TNN: variants seen among roughly 807,000 people sequenced by gnomAD.
The protein encoded by TNN is tenascin N.
Under a neutral mutation model 134.4 loss-of-function variants are expected in TNN, and 122 were observed. The ratio of observed to expected loss-of-function variants is 0.91; its 90% CI spans 0.78 to 1.06. The LOEUF (loss-of-function observed/expected upper bound fraction) is 1.06, where lower values mean the gene tolerates loss of function less well. Among genes scored for constraint, TNN ranks in the 50% least tolerant of loss-of-function variants. The probability of loss-of-function intolerance (pLI) is 0.00; values close to 1 mark genes in which losing one functional copy is unlikely to be tolerated. For missense variants in TNN, 1,739 were observed against 1,699.4 expected, an observed-to-expected ratio of 1.02 and a Z score of -0.41; for synonymous variants, 710 against 670.3, an observed-to-expected ratio of 1.06 and a Z score of -0.91.
At chr1:175,143,277 T>C (rs1416553592) in intron 17 of TNN, among the ~76,000 whole-genome samples, 1 of 152,226 alleles carries the variant, frequency 6.6e-6, no homozygotes, top group Non-Finnish European at 1.5e-5. Flanking sequence ...AGAGCTGAGA[T>C]ATAAATGTAA....
At chr1:175,076,552 G>A (rs1016474396) in intron 1 of TNN, among the ~76,000 whole-genome samples, 2 of 152,218 alleles carry the variant, frequency 1.3e-5, no homozygotes, top group African/African-American at 4.8e-5. Flanking sequence ...GCTGGGTAAG[G>A]CAGGGGGACA....
At chr1:175,100,793 G>C (rs952752060) in intron 9 of TNN, among the ~76,000 whole-genome samples, 2 of 152,084 alleles carry the variant, frequency 1.3e-5, no homozygotes, top group Admixed American at 1.3e-4. Context: ...TCAACAAACT[G>C]GTGTTAATAA....
At chr1:175,137,781 A>G (rs919586407) in intron 17 of TNN, among the ~76,000 whole-genome samples, 3 of 152,222 alleles carry the variant, frequency 2.0e-5, no homozygotes, top group Non-Finnish European at 4.4e-5. Context: ...TGCGTTTTTG[A>G]CTTTGGTGTA....
chr1:175,127,975 G>A, intron 13 of TNN, 57 bp from the exon 14 acceptor site: 1 of 1,604,986 alleles, frequency 6.2e-7, no homozygotes, highest in Non-Finnish European at 8.5e-7. Context: ...GACACCTAGG[G>A]TGCTAGTGGG....
intron 17 of TNN, among the ~76,000 whole-genome samples, chr1:175,141,712 G>C (rs901222885): frequency 6.6e-6 from 1 of 152,162 alleles, no homozygotes; most frequent in Non-Finnish European, 1.5e-5. Context: ...GAATCCTAGA[G>C]GGGGAGAGTG....
chr1:175,139,730 G>GTAA (rs1675901735), intron 17 of TNN, among the ~76,000 whole-genome samples: 1 of 152,194 alleles, frequency 6.6e-6, no homozygotes, highest in Non-Finnish European at 1.5e-5. Flanking sequence ...TTTACTGTAT[G>GTAA]TAATTGTATG....
intron 6 of TNN, among the ~76,000 whole-genome samples, chr1:175,086,250 A>T (rs942607093): frequency 6.6e-6 from 1 of 152,174 alleles, no homozygotes; most frequent in Non-Finnish European, 1.5e-5. Flanking sequence ...AAACCCTCAC[A>T]TGGGAGTAGT....
At chr1:175,076,974 A>G (rs148332187) in intron 1 of TNN, among the ~76,000 whole-genome samples, 9 of 152,368 alleles carry the variant, frequency 5.9e-5, no homozygotes, top group Non-Finnish European at 1.3e-4. Flanking sequence ...TGCCTGTCAC[A>G]TAGCAAGTGC....
intron 11 of TNN, among the ~76,000 whole-genome samples, chr1:175,121,365 G>C (rs1398007844): frequency 6.6e-6 from 1 of 152,224 alleles, no homozygotes; most frequent in Non-Finnish European, 1.5e-5. Context: ...AATGAAAAGA[G>C]GCCAGTTTTG....
At chr1:175,090,066 G>A (rs1239410889) in intron 6 of TNN, among the ~76,000 whole-genome samples, 1 of 152,164 alleles carries the variant, frequency 6.6e-6, no homozygotes, top group African/African-American at 2.4e-5. Context: ...TATATTGTGA[G>A]ACTTTGTAAA....
intron 3 of TNN, 62 bp from the exon 4 acceptor site, chr1:175,080,101 T>C (rs1186879184): frequency 6.3e-7 from 1 of 1,590,370 alleles, no homozygotes; most frequent in East Asian, 2.2e-5. Context: ...CAGGGAATAC[T>C]CACTGGGTCT....
At chr1:175,083,655 G>C (rs1371712729) in intron 4 of TNN, 95 bp from the exon 5 acceptor site, 2 of 1,209,260 alleles carry the variant, frequency 1.7e-6, no homozygotes, top group Non-Finnish European at 2.3e-6. Flanking sequence ...GAGATGTCAA[G>C]AAAGGGAGCT....
chr1:175,073,687 G>A (rs868211373), intron 1 of TNN, among the ~76,000 whole-genome samples: 29 of 152,162 alleles, frequency 1.9e-4, no homozygotes, highest in Admixed American at 1.1e-3. Context: ...CTGCTGCCTG[G>A]GGCGAGGTGA....
chr1:175,098,587 C>A lies in TNN; in HGVS notation c.2111C>A (p.Ala704Asp), dbSNP rs147445406. The A allele has an allele frequency of 2.8e-5, 45 of 1,613,904 alleles. No homozygotes were observed. The highest frequency in any genetic ancestry group is 3.1e-5 in the Non-Finnish European group (37 of 1,179,962). ...DQESKKADTK[A>D]QTDIDSPQNL... is the part of the protein sequence containing the mutation. ...GAGAGCAAGAAGGCCGACACCAAGGCCCAGACAGGTAAGGAGTGTGCATTA... is the reference window on the plus strand; with the variant it reads ...GAGAGCAAGAAGGCCGACACCAAGGACCAGACAGGTAAGGAGTGTGCATTA... Residue 704 changes from alanine (A) to aspartate (D), a missense_variant, in exon 9 of 19, where the codon GCC (alanine) becomes GAC (aspartate). By Grantham distance (126) the Ala-to-Asp change is moderately radical (BLOSUM62 -2). Transcript: ENST00000239462.
At chr1:175,093,951 G>T (rs1006007334) in intron 6 of TNN, 39 bp from the exon 7 acceptor site, 25 of 1,569,242 alleles carry the variant, frequency 1.6e-5, no homozygotes, top group Non-Finnish European at 2.2e-5. Context: ...CTAACCAACT[G>T]GTTTCTCTGA....
chr1:175,085,466 C>T lies in TNN; in HGVS notation c.1296C>T (p.Gly432=). The change falls in exon 6 of 19, where the codon GGC becomes GGT. Residue 432 remains glycine (G), a synonymous_variant. Transcript: ENST00000239462. ...TGCCCATGAGAGGAGAGCTGGAGGGCAAGCCGATCCTCCTGAATGGCAGGA... is the reference window on the plus strand; with the variant it reads ...TGCCCATGAGAGGAGAGCTGGAGGGTAAGCCGATCCTCCTGAATGGCAGGA... ...TVVPMRGELE[G]KPILLNGRTE... is the part of the protein sequence containing the mutation. 1 of 1,607,494 alleles carries T rather than the reference C, an allele frequency of 6.2e-7. No individual in the cohort carries two copies. The highest frequency in any genetic ancestry group is 1.3e-5 in the African/African-American group (1 of 74,740).
chr1:175,126,813 A>G (rs1574171772), intron 12 of TNN, 142 bp from the exon 13 acceptor site: 1 of 843,038 alleles, frequency 1.2e-6, no homozygotes. Context: ...TGTGGCAGGG[A>G]GGAAGAGAGC....
chr1:175,115,274 C>G (rs891202956), intron 9 of TNN, among the ~76,000 whole-genome samples: 1 of 152,152 alleles, frequency 6.6e-6, no homozygotes, highest in Non-Finnish European at 1.5e-5. Context: ...GGCCTCAACA[C>G]CATTTTCCTG....
intron 1 of TNN, among the ~76,000 whole-genome samples, chr1:175,076,749 C>G (rs11584823): frequency 0.12 from 17,811 of 152,196 alleles, 1,317 homozygotes; most frequent in Admixed American, 0.17. Context: ...TGCAAAGCAG[C>G]ATGGCATTGT....
Sources: gnomAD v4.1 joint callset for allele counts (sites outside exome capture counted in the v4.1 genomes callset) on GRCh38, gnomAD v4.1.1 for gene constraint, MANE v1.5 for transcripts, NCBI Gene and HGNC (gene_info 2026-07-23, HGNC 2026-07-21) for gene names.